Variants in HS3ST5 observed in about 807,000 individuals in gnomAD.
HS3ST5 encodes heparan sulfate-glucosamine 3-sulfotransferase 5.
A neutral mutation model predicts 25.4 loss-of-function variants in HS3ST5; 10 were observed. The observed-to-expected ratio is 0.39, with a 90% CI of 0.24 to 0.67. The LOEUF is 0.67. Among genes scored for constraint, HS3ST5 ranks in the 30% least tolerant of loss-of-function variants. The pLI, the probability that HS3ST5 is intolerant of heterozygous loss-of-function variation, is 0.44. For synonymous variants in HS3ST5, 170 were observed against 162.4 expected, an observed-to-expected ratio of 1.05 and a Z score of -0.36; for missense variants, 324 against 420.7, an observed-to-expected ratio of 0.77 and a Z score of 2.01.
At chr6:114,179,957 G>C (rs1430660885) in intron 2 of HS3ST5, among the ~76,000 whole-genome samples, 1 of 152,032 alleles carries the variant, frequency 6.6e-6, no homozygotes, top group African/African-American at 2.4e-5. Context: ...GCATCCAGCA[G>C]AAGAGAAAGA....
At chr6:114,271,681 A>G (rs1773643540) in intron 1 of HS3ST5, among the ~76,000 whole-genome samples, 1 of 152,070 alleles carries the variant, frequency 6.6e-6, no homozygotes, top group Non-Finnish European at 1.5e-5. Flanking sequence ...TGCCTCCCAC[A>G]TGATTGAATT....
At chr6:114,071,790 C>T (rs1250406268) in intron 3 of HS3ST5, among the ~76,000 whole-genome samples, 2 of 152,138 alleles carry the variant, frequency 1.3e-5, no homozygotes, top group Non-Finnish European at 1.5e-5. Flanking sequence ...AAATCGAATA[C>T]TCATATATCC....
intron 1 of HS3ST5, among the ~76,000 whole-genome samples, chr6:114,270,725 T>C (rs1041715626): frequency 6.6e-6 from 1 of 152,122 alleles, no homozygotes; most frequent in Non-Finnish European, 1.5e-5. Context: ...TTTTAAGGCT[T>C]TGTCCAGCTC....
rs972085854 is a variant in HS3ST5, at chr6:114,166,651, G to A, written c.-33+1700C>T. ...ACCGTAAAAGGACCAATCTCACAGT[G>A]AACCTAGGAATGAGAGGTTAAATTG... On this transcript the variant is annotated intron_variant, in intron 3 of 4. Coordinates refer to ENST00000312719, the MANE Select transcript of HS3ST5 (RefSeq NM_153612.4). Among the ~76,000 whole-genome samples, 14 of 152,254 alleles carry A rather than the reference G, an allele frequency of 9.2e-5. No homozygotes were observed. The South Asian group carries it at 1.9e-3, about 20-fold the overall frequency.
intron 3 of HS3ST5, among the ~76,000 whole-genome samples, chr6:114,096,396 G>A (rs1775427441): frequency 6.6e-6 from 1 of 152,032 alleles, no homozygotes; most frequent in African/African-American, 2.4e-5. Flanking sequence ...CATCTATTTG[G>A]GTAAGTGTAC....
chr6:114,306,256 T>TACACAC (rs1554226914), intron 1 of HS3ST5, among the ~76,000 whole-genome samples: 31 of 115,402 alleles, frequency 2.7e-4, no homozygotes, highest in African/African-American at 9.0e-4. Flanking sequence ...TATATATATA[T>TACACAC]ACACACACAC....
intron 3 of HS3ST5, among the ~76,000 whole-genome samples, chr6:114,097,603 G>A (rs1775501855): frequency 6.6e-6 from 1 of 151,656 alleles, no homozygotes. Context: ...ATAAAATTCT[G>A]TATAGAACTA....
intron 1 of HS3ST5, among the ~76,000 whole-genome samples, chr6:114,289,821 A>T (rs1202875109): frequency 1.3e-5 from 2 of 152,172 alleles, no homozygotes; most frequent in African/African-American, 2.4e-5. Flanking sequence ...TAAATTTTGA[A>T]TTTTCCAAAC....
chr6:114,228,959 T>C lies in HS3ST5; in HGVS notation c.-338-181A>G, dbSNP rs901562223. On this transcript the variant is annotated intron_variant, in intron 1 of 4. Coordinates refer to ENST00000312719, the MANE Select transcript of HS3ST5 (RefSeq NM_153612.4). ...GAAGTCAGAATTACATGATGCTGCC[T>C]GCAGGGCATTCTGGTTGAATTCCTA... 5.9e-5 allele frequency among the ~76,000 whole-genome samples: 9 copies of C among 152,380 alleles called. No homozygotes were observed. In the South Asian group the frequency reaches 1.9e-3, roughly 32 times the overall value.
At chr6:114,211,366 G>C (rs1781502394) in intron 2 of HS3ST5, among the ~76,000 whole-genome samples, 1 of 152,012 alleles carries the variant, frequency 6.6e-6, no homozygotes, top group Non-Finnish European at 1.5e-5. Flanking sequence ...TCTCAGTCTT[G>C]ATCCTAACTT....
intron 3 of HS3ST5, chr6:114,143,961 G>C (rs1374124240): frequency 6.6e-6 from 1 of 152,266 alleles, no homozygotes; most frequent in African/African-American, 2.4e-5. Context: ...CTGTATATAT[G>C]TCCCAGATTG....
intron 3 of HS3ST5, among the ~76,000 whole-genome samples, chr6:114,090,677 A>G (rs1453769925): frequency 6.6e-6 from 1 of 152,196 alleles, no homozygotes. Context: ...GATAGTTTGC[A>G]AAAAAATGCC....
chr6:114,080,003 C>T (rs1261479185), intron 3 of HS3ST5, among the ~76,000 whole-genome samples: 2 of 152,198 alleles, frequency 1.3e-5, no homozygotes, highest in Middle Eastern at 3.4e-3. Flanking sequence ...TCTTGAACTT[C>T]CGACCTTAGG....
chr6:114,212,091 G>A (rs1479778576), intron 2 of HS3ST5, among the ~76,000 whole-genome samples: 2 of 152,194 alleles, frequency 1.3e-5, no homozygotes, highest in Admixed American at 1.3e-4. Flanking sequence ...AGGGGTTTGT[G>A]TTAATGGAGT....
At chr6:114,102,051 G>A (rs536833281) in intron 3 of HS3ST5, among the ~76,000 whole-genome samples, 1 of 152,124 alleles carries the variant, frequency 6.6e-6, no homozygotes, top group Non-Finnish European at 1.5e-5. Flanking sequence ...GCCTACTTGA[G>A]GGTGAAGGAT....
intron 1 of HS3ST5, among the ~76,000 whole-genome samples, chr6:114,323,633 G>A (rs1040980255): frequency 5.3e-5 from 8 of 152,070 alleles, no homozygotes; most frequent in Non-Finnish European, 1.5e-5. Context: ...TTATTATGAA[G>A]ATAACATATA....
intron 1 of HS3ST5, among the ~76,000 whole-genome samples, chr6:114,258,886 GA>G (rs1773046835): frequency 6.6e-6 from 1 of 152,060 alleles, no homozygotes; most frequent in South Asian, 2.1e-4. Context: ...GACAATAAAG[GA>G]AATAAAGACA....
At chr6:114,297,250 A>C (rs550296717) in intron 1 of HS3ST5, among the ~76,000 whole-genome samples, 241 of 152,194 alleles carry the variant, frequency 1.6e-3, no homozygotes, top group South Asian at 0.01. Context: ...ACTAGACAAA[A>C]ATAATGCAAC....
At chr6:114,271,548 T>C (rs549542205) in intron 1 of HS3ST5, among the ~76,000 whole-genome samples, 1 of 152,026 alleles carries the variant, frequency 6.6e-6, no homozygotes, top group Admixed American at 6.6e-5. Flanking sequence ...ATTCTATACC[T>C]AAGAAGAAAG....
Sources: allele counts gnomAD v4.1 joint callset (sites outside exome capture counted in the v4.1 genomes callset), GRCh38; gene constraint gnomAD v4.1.1; transcripts MANE v1.5; gene names NCBI Gene and HGNC (gene_info 2026-07-23, HGNC 2026-07-21).